The following ANKRD12 variants were observed in gnomAD, a reference collection of about 807,000 sequenced individuals.
ANKRD12 encodes the protein ankyrin repeat domain 12.
ANKRD12 carries 85 observed loss-of-function variants against 183.4 expected under a neutral mutation model. The observed-to-expected ratio is 0.46, with a 90% CI of 0.39 to 0.56. The LOEUF is 0.56. ANKRD12 is among the 20% of genes least tolerant of loss of function. The pLI is 0.00. For missense variants in ANKRD12, 2,405 were observed against 2,357.1 expected (o/e 1.02, Z -0.42); for synonymous variants, 914 against 800.2 (o/e 1.14, Z -2.40).
intron 1 of ANKRD12, among the ~76,000 whole-genome samples, chr18:9,142,596 A>G (rs1283644379): frequency 6.6e-6 from 1 of 152,154 alleles, no homozygotes; most frequent in East Asian, 1.9e-4. Flanking sequence ...AATTAGTAGT[A>G]ATGGGCCAGG....
intron 2 of ANKRD12, among the ~76,000 whole-genome samples, chr18:9,186,892 C>T (rs553418980): frequency 6.6e-6 from 1 of 151,864 alleles, no homozygotes; most frequent in Non-Finnish European, 1.5e-5. Context: ...GCTGGGACTA[C>T]AGGTGCCCGC....
intron 8 of ANKRD12, chr18:9,235,870 T>A (rs1007418016): frequency 3.4e-6 from 1 of 290,614 alleles, no homozygotes; most frequent in Non-Finnish European, 7.1e-6. Flanking sequence ...GTTTAATAGT[T>A]GATTTATTCT....
intron 1 of ANKRD12, among the ~76,000 whole-genome samples, chr18:9,143,592 C>G (rs2078394349): frequency 6.6e-6 from 1 of 152,204 alleles, no homozygotes; most frequent in Non-Finnish European, 1.5e-5. Context: ...CCCCGAGGAG[C>G]TGGGATTACA....
In ANKRD12 at chr18:9,211,638, G is replaced by C; in HGVS notation, c.506G>C (p.Ser169Thr). 2 of 1,613,816 alleles carry C rather than the reference G, an allele frequency of 1.2e-6. No homozygotes were observed. The highest frequency in any genetic ancestry group is 1.7e-6 in the Non-Finnish European group (2 of 1,179,876). The stretch of plus-strand genomic sequence containing the variant: ...ACGCCTGCCCAAAAGAAAACTCCCA[G>C]TTCTTCATCTCGACAGAAAGATAAA... ...QTTPAQKKTP[S>T]SSSRQKDKVN... The change falls in exon 6 of 13, where the codon AGT becomes ACT. Residue 169 changes from serine to threonine, a missense_variant. Around this residue, in one of 7 missense-constraint regions of ANKRD12, gnomAD observed 35 missense variants for 37.5 expected, o/e 0.93. Transcript: ENST00000262126.
intron 1 of ANKRD12, among the ~76,000 whole-genome samples, chr18:9,146,215 T>C (rs1252437519): frequency 1.3e-5 from 2 of 152,222 alleles, no homozygotes; most frequent in East Asian, 1.9e-4. Flanking sequence ...TGCCTTTTTT[T>C]CCCCCGATTC....
At position 9,270,772 on chromosome 18, in the gene ANKRD12, AAAAT is replaced by A. The variant is rs143046712; in HGVS notation, c.5764-4747_5764-4744del. Among the ~76,000 whole-genome samples the A allele has an allele frequency of 1.5e-3, 236 of 152,388 alleles. 3 individuals carry two copies. The East Asian group carries it at 0.037, about 24-fold the overall frequency. On this transcript the variant is annotated intron_variant, in intron 10 of 12. Transcript: ENST00000262126. ...CCTAAAACTTAAAAGTATAATATAA[AAAAT>A]AAATTCTTACTTGAATTGTGCAATT...
At position 9,281,188 on chromosome 18, in the gene ANKRD12, A is replaced by G. The variant is rs1303946584; in HGVS notation, c.*62A>G. ...TGATGCTCAAGCATTATACTGTGGA[A>G]TACTGCCTTTTGACAAAAATACTCA... is the stretch of plus-strand genomic sequence containing the variant. On this transcript the variant is annotated 3_prime_UTR_variant, in exon 13 of 13. Coordinates refer to ENST00000262126, the MANE Select transcript of ANKRD12 (RefSeq NM_015208.5). 1 of 1,402,244 alleles carries G rather than the reference A, an allele frequency of 7.1e-7. No homozygotes were observed. The highest frequency in any genetic ancestry group is 1.5e-5 in the African/African-American group (1 of 67,920). The allele number at this position is 1,402,244 out of a possible 1,614,324, so 86.9% of individuals were successfully genotyped here.
In ANKRD12 at chr18:9,257,324, A is replaced by G. The variant is rs113226342; in HGVS notation, c.4057A>G (p.Asn1353Asp). Residue 1353 changes from asparagine to aspartate, a missense_variant, in exon 9 of 13, where the codon AAT (asparagine) becomes GAT (aspartate). Transcript: ENST00000262126. ...TTCTCCCAAACCTGAGGTATTCTCA[A>G]ATGTGCCTGAAAGAGACCTTTCAAA... ...SPSPKPEVFSNVPERDLSNVS... is the reference protein window; with the variant it reads ...SPSPKPEVFSDVPERDLSNVS... The G allele has an allele frequency of 1.5e-5, 25 of 1,614,030 alleles. No individual in the cohort carries two copies. Among genetic ancestry groups the G allele is most frequent in the African/African-American group, 8.0e-5 (6 of 74,918 alleles).
At chr18:9,145,650 G>GGT (rs764123859) in intron 1 of ANKRD12, among the ~76,000 whole-genome samples, 13 of 152,192 alleles carry the variant, frequency 8.5e-5, no homozygotes, top group Non-Finnish European at 1.6e-4. Context: ...GTGGCAAGAG[G>GGT]GTGGTCTGAC....
intron 1 of ANKRD12, among the ~76,000 whole-genome samples, chr18:9,152,733 G>A (rs2078724170): frequency 6.6e-6 from 1 of 151,786 alleles, no homozygotes; most frequent in African/African-American, 2.4e-5. Context: ...TTGATTTATT[G>A]AGACCTATAT....
intron 1 of ANKRD12, among the ~76,000 whole-genome samples, chr18:9,148,584 TA>T (rs1010583438): frequency 2.5e-4 from 38 of 152,316 alleles, no homozygotes; most frequent in African/African-American, 8.4e-4. Flanking sequence ...GCTAATTGCT[TA>T]AATTATTTCC....
rs1216404800 is a variant in ANKRD12, at chr18:9,285,865, G to A, written c.*4739G>A. The A allele has an allele frequency of 6.6e-6, 1 of 152,126 alleles. No individual in the cohort carries two copies. 9.4% of individuals were successfully genotyped at this position (152,126 alleles called of 1,614,324 possible). A position where few individuals can be genotyped will look rare whatever the true frequency, so the allele number is the denominator to read the frequency against. ...TCCATGTTGCACCTAACAGTAATGA[G>A]TCGTAATTTATTAATGAGTAGTAGT... On this transcript the variant is annotated 3_prime_UTR_variant, in exon 13 of 13. Coordinates refer to ENST00000262126, the MANE Select transcript of ANKRD12 (RefSeq NM_015208.5).
intron 8 of ANKRD12, among the ~76,000 whole-genome samples, chr18:9,231,824 C>CAAAAA (rs60799678): frequency 7.8e-5 from 8 of 102,408 alleles, no homozygotes; most frequent in South Asian, 3.4e-4. Context: ...GACTCTGTCT[C>CAAAAA]AAAAAAAAAA....
chr18:9,216,717 T>G (rs1444833842), intron 6 of ANKRD12, 41 bp from the exon 7 acceptor site: 2 of 1,597,132 alleles, frequency 1.3e-6, no homozygotes, highest in Admixed American at 3.5e-5. Flanking sequence ...TATTTTGAAG[T>G]AGCGCAAGTG....
intron 1 of ANKRD12, among the ~76,000 whole-genome samples, chr18:9,166,487 T>C (rs1441966291): frequency 2.0e-5 from 3 of 152,218 alleles, no homozygotes; most frequent in Non-Finnish European, 4.4e-5. Flanking sequence ...ATGAGCATTT[T>C]TTCATGTGTT....
intron 6 of ANKRD12, among the ~76,000 whole-genome samples, chr18:9,216,015 CTT>C (rs36084675): frequency 7.1e-5 from 10 of 141,286 alleles, no homozygotes; most frequent in Admixed American, 2.1e-4. Flanking sequence ...GCTGCTTTTA[CTT>C]TTTTTTTTTT....
chr18:9,241,999 G>A (rs918712018), intron 8 of ANKRD12, among the ~76,000 whole-genome samples: 3 of 150,874 alleles, frequency 2.0e-5, no homozygotes, highest in African/African-American at 7.3e-5. Flanking sequence ...ATCACTTTTA[G>A]CAGTGTCTAT....
At chr18:9,189,372 C>T (rs2144306965) in intron 2 of ANKRD12, among the ~76,000 whole-genome samples, 1 of 152,328 alleles carries the variant, frequency 6.6e-6, no homozygotes, top group African/African-American at 2.4e-5. Context: ...CAAGGTGAAG[C>T]ACCAAGTGCT....
At chr18:9,200,895 C>T (rs1163970128) in intron 3 of ANKRD12, among the ~76,000 whole-genome samples, 1 of 152,198 alleles carries the variant, frequency 6.6e-6, no homozygotes, top group Non-Finnish European at 1.5e-5. Context: ...CATCTTAATG[C>T]TCTGCCACTC....
Sources: allele counts gnomAD v4.1 joint callset (sites outside exome capture counted in the v4.1 genomes callset), GRCh38; gene constraint gnomAD v4.1.1; regional missense constraint gnomAD v4.1.1; transcripts MANE v1.5; gene names NCBI Gene and HGNC (gene_info 2026-07-23, HGNC 2026-07-21).